GLT1D1: variants seen among roughly 807,000 people sequenced by gnomAD.
The protein encoded by GLT1D1 is glycosyltransferase 1 domain-containing protein 1.
Under a neutral mutation model 28.7 loss-of-function variants are expected in GLT1D1, and 21 were observed. That is an observed-to-expected ratio of 0.73 (90% CI 0.52 to 1.05). The LOEUF (loss-of-function observed/expected upper bound fraction) is 1.05. GLT1D1 is among the 50% of genes least tolerant of loss of function. GLT1D1 has a pLI of 0.00. For missense variants in GLT1D1, 343 were observed against 330.6 expected (o/e 1.04, Z -0.29); for synonymous variants, 147 against 124.8 (o/e 1.18, Z -1.19).
intron 3 of GLT1D1, among the ~76,000 whole-genome samples, chr12:128,891,912 G>A (rs1869105982): frequency 6.6e-6 from 1 of 152,166 alleles, no homozygotes; most frequent in South Asian, 2.1e-4. Flanking sequence ...CGTGCCCAAG[G>A]TGGTCAGGCA....
chr12:128,921,146 G>A (rs1156787593), intron 4 of GLT1D1, among the ~76,000 whole-genome samples: 1 of 151,522 alleles, frequency 6.6e-6, no homozygotes, highest in Non-Finnish European at 1.5e-5. Flanking sequence ...TTGGTATGTG[G>A]AAAGTGCACA....
chr12:128,903,291 C>G (rs1011759906), intron 4 of GLT1D1, among the ~76,000 whole-genome samples: 1 of 151,716 alleles, frequency 6.6e-6, no homozygotes, highest in Non-Finnish European at 1.5e-5. Flanking sequence ...AGGCCTGTCT[C>G]CATGGGGTCT....
At chr12:128,901,747 T>A (rs559341869) in intron 4 of GLT1D1, among the ~76,000 whole-genome samples, 12 of 151,340 alleles carry the variant, frequency 7.9e-5, no homozygotes, top group Middle Eastern at 3.4e-3. Flanking sequence ...TCTTTTTTTT[T>A]ATTATTATTA....
intron 4 of GLT1D1, among the ~76,000 whole-genome samples, chr12:128,936,319 T>C (rs575354411): frequency 2.0e-5 from 3 of 152,036 alleles, no homozygotes; most frequent in Non-Finnish European, 2.9e-5. Context: ...CACACCCAGC[T>C]AATTTTTTGT....
At chr12:128,913,977 G>A (rs903021899) in intron 4 of GLT1D1, among the ~76,000 whole-genome samples, 7 of 152,158 alleles carry the variant, frequency 4.6e-5, no homozygotes, top group African/African-American at 7.2e-5. Flanking sequence ...TGAAATGGGC[G>A]CTTGTTAAAT....
intron 3 of GLT1D1, among the ~76,000 whole-genome samples, chr12:128,898,910 G>A (rs1385653030): frequency 6.6e-6 from 1 of 152,144 alleles, no homozygotes; most frequent in Non-Finnish European, 1.5e-5. Context: ...TGGTCAGGGT[G>A]GATTAACCCA....
At chr12:128,981,227 T>A (rs1271841847) in intron 7 of GLT1D1, among the ~76,000 whole-genome samples, 2 of 152,232 alleles carry the variant, frequency 1.3e-5, no homozygotes, top group African/African-American at 4.8e-5. Context: ...CACTTTTCCA[T>A]GCGGAGAGAA....
chr12:128,853,800 G>T, intron 1 of GLT1D1, 151 bp downstream of exon 1: 2 of 437,220 alleles, frequency 4.6e-6, no homozygotes, highest in South Asian at 1.9e-4. Flanking sequence ...GGCCGGTGCC[G>T]CCTGCCGGGC....
At chr12:128,893,349 A>G (rs748845869) in intron 3 of GLT1D1, among the ~76,000 whole-genome samples, 8 of 152,224 alleles carry the variant, frequency 5.3e-5, no homozygotes, top group Non-Finnish European at 1.2e-4. Context: ...TAGGAAATCT[A>G]TAGCACACGA....
At chr12:128,959,454 C>T (rs1158102396) in intron 7 of GLT1D1, among the ~76,000 whole-genome samples, 1 of 12,154 alleles carries the variant, frequency 8.2e-5, no homozygotes, top group Non-Finnish European at 1.7e-4. Flanking sequence ...TGGGGAACGG[C>T]GGGTGGTGGG....
At chr12:128,962,917 G>C (rs1250679261) in intron 7 of GLT1D1, among the ~76,000 whole-genome samples, 1 of 152,118 alleles carries the variant, frequency 6.6e-6, no homozygotes, top group African/African-American at 2.4e-5. Flanking sequence ...GGCCAGGCTG[G>C]TCTGGAACTC....
intron 1 of GLT1D1, among the ~76,000 whole-genome samples, chr12:128,853,974 G>A (rs1455877024): frequency 6.6e-6 from 1 of 152,028 alleles, no homozygotes; most frequent in East Asian, 1.9e-4. Context: ...GATGGGAGCA[G>A]GATCCGCAGG....
chr12:128,919,914 T>C (rs1344664441), intron 4 of GLT1D1, among the ~76,000 whole-genome samples: 1 of 152,118 alleles, frequency 6.6e-6, no homozygotes, highest in Admixed American at 6.6e-5. Flanking sequence ...TGATTTCTGT[T>C]TTATTGTATT....
intron 1 of GLT1D1, among the ~76,000 whole-genome samples, chr12:128,872,711 A>G (rs1049542274): frequency 6.6e-5 from 10 of 152,182 alleles, no homozygotes; most frequent in African/African-American, 2.2e-4. Flanking sequence ...ATCAGAAAAG[A>G]GACCTGGTCC....
intron 2 of GLT1D1, among the ~76,000 whole-genome samples, chr12:128,884,277 G>A (rs1012887600): frequency 6.6e-6 from 1 of 152,158 alleles, no homozygotes; most frequent in Non-Finnish European, 1.5e-5. Flanking sequence ...GACATAATGC[G>A]AAATACAATA....
At chr12:128,896,564 A>G (rs2135846774) in intron 3 of GLT1D1, among the ~76,000 whole-genome samples, 1 of 150,602 alleles carries the variant, frequency 6.6e-6, no homozygotes, top group East Asian at 2.0e-4. Context: ...ATTTGGGCTG[A>G]ATGACACATA....
chr12:128,947,514 T>A, intron 6 of GLT1D1, 56 bp downstream of exon 10: 1 of 1,596,368 alleles, frequency 6.3e-7, no homozygotes, highest in East Asian at 2.2e-5. Flanking sequence ...CATCACTCCT[T>A]CTCCTATTTA....
At chr12:128,861,461 G>A (rs961084033) in intron 1 of GLT1D1, among the ~76,000 whole-genome samples, 2 of 152,326 alleles carry the variant, frequency 1.3e-5, no homozygotes, top group East Asian at 1.9e-4. Context: ...GGGGAAATGC[G>A]TGAAGATGGT....
intron 7 of GLT1D1, among the ~76,000 whole-genome samples, chr12:128,977,208 CAG>C (rs1255927442): frequency 6.6e-6 from 1 of 152,118 alleles, no homozygotes; most frequent in Non-Finnish European, 1.5e-5. Flanking sequence ...GGTGAAACCT[CAG>C]GGGGATGGAG....
Sources: gnomAD v4.1 joint callset for allele counts (sites outside exome capture counted in the v4.1 genomes callset) on GRCh38, gnomAD v4.1.1 for gene constraint, MANE v1.5 for transcripts, NCBI Gene and HGNC (gene_info 2026-07-23, HGNC 2026-07-21) for gene names.